The following LAMB4 variants were observed in gnomAD, a reference collection of about 807,000 sequenced individuals.
The protein encoded by LAMB4 is laminin subunit beta 4, also known as laminin subunit beta-4.
In LAMB4, 196 loss-of-function variants were observed where a neutral mutation model predicts 199.2. That is an observed-to-expected ratio of 0.98 (90% confidence interval 0.88 to 1.11). The LOEUF is 1.11. LAMB4 is among the 50% of genes least tolerant of loss of function. The pLI is 0.00. For synonymous variants in LAMB4, 744 were observed against 770.6 expected, an observed-to-expected ratio of 0.97 and a Z score of 0.57; for missense variants, 2,080 against 2,171.2, an observed-to-expected ratio of 0.96 and a Z score of 0.83.
chr7:108,071,001 G>A (rs1009744137), intron 17 of LAMB4, among the ~76,000 whole-genome samples: 1 of 152,174 alleles, frequency 6.6e-6, no homozygotes, highest in Admixed American at 6.5e-5. Flanking sequence ...TAGTGCTCAA[G>A]AAGGAAGAGG....
rs556891096 is a variant in LAMB4 at position 108,050,743 on chromosome 7, C to T, written c.3917-1212G>A. Among the ~76,000 whole-genome samples the T allele has an allele frequency of 3.9e-5, 6 of 152,214 alleles. No individual in the cohort carries two copies. The East Asian group carries it at 9.6e-4, about 24-fold the overall frequency. On this transcript the variant is annotated intron_variant, in intron 26 of 33. Transcript: ENST00000388781. ...TTTCACTTATCATGAAAAAAGTGTT[C>T]CTATTGCTTGGAATTAGTTTCTTCT...
intron 25 of LAMB4, among the ~76,000 whole-genome samples, chr7:108,052,762 A>C (rs1339086737): frequency 6.6e-6 from 1 of 152,084 alleles, no homozygotes; most frequent in African/African-American, 2.4e-5. Flanking sequence ...AGTGACAGGG[A>C]GGTTTTCTTG....
chr7:108,124,483 C>T (rs573654028), intron 1 of LAMB4, among the ~76,000 whole-genome samples: 1 of 152,172 alleles, frequency 6.6e-6, no homozygotes, highest in East Asian at 1.9e-4. Flanking sequence ...CACATACACA[C>T]ACATGCATAT....
chr7:108,100,103 GC>G (rs1251897920), intron 10 of LAMB4, among the ~76,000 whole-genome samples: 1 of 152,170 alleles, frequency 6.6e-6, no homozygotes, highest in East Asian at 1.9e-4. Context: ...ATTTAATTAT[GC>G]ACAGAAGTAT....
rs760360895 is a variant in LAMB4, at chr7:108,034,262, A to G, written c.4764T>C (p.Ser1588=). The change falls in exon 31 of 34, where the codon TCT becomes TCC. Residue 1588 remains serine, a synonymous_variant. Coordinates refer to ENST00000388781, the MANE Select transcript of LAMB4 (RefSeq NM_007356.3). ...QAQITQGRAN[S]TITQLTANIT... ...TATTGGCAGTCAGCTGTGTAATGGT[A>G]GAGTTTGCCCGTCCTTGAGTGATTT... 4 of 1,613,898 alleles carry G rather than the reference A, an allele frequency of 2.5e-6. No individual in the cohort carries two copies. In the South Asian group the frequency reaches 3.3e-5, roughly 13 times the overall value.
chr7:108,039,914 G>C (rs2035362506), intron 29 of LAMB4, among the ~76,000 whole-genome samples: 2 of 152,224 alleles, frequency 1.3e-5, no homozygotes, highest in African/African-American at 4.8e-5. Flanking sequence ...GTCCTGGCCA[G>C]AGCAATCAGG....
chr7:108,050,814 A>G (rs939999216), intron 26 of LAMB4, among the ~76,000 whole-genome samples: 7 of 152,334 alleles, frequency 4.6e-5, no homozygotes, highest in African/African-American at 1.4e-4. Context: ...AGATAATTCA[A>G]TTGCCACCTA....
chr7:108,092,211 G>A, intron 13 of LAMB4, 126 bp downstream of exon 13: 1 of 700,942 alleles, frequency 1.4e-6, no homozygotes, highest in South Asian at 1.8e-5. Flanking sequence ...ATGGGCTGTA[G>A]TTAATGTCTC....
chr7:108,038,227 T>C (rs2035295085), intron 29 of LAMB4, among the ~76,000 whole-genome samples: 1 of 151,862 alleles, frequency 6.6e-6, no homozygotes, highest in Non-Finnish European at 1.5e-5. Context: ...TGGCACAATC[T>C]CGGCTTACTG....
Position 108,030,897 on chromosome 7 carries a change from A to C in LAMB4, c.4901T>G (p.Leu1634Arg), listed in dbSNP as rs1223474423. 1.9e-6 allele frequency: 3 copies of C among 1,614,058 alleles called. No homozygotes were observed. Among genetic ancestry groups the C allele is most frequent in the Middle Eastern group, 1.6e-4 (1 of 6,084 alleles). The change falls in exon 32 of 34, where the codon CTG becomes CGG. Residue 1634 changes from leucine to arginine, a missense_variant. Physicochemically the swap from Leu to Arg is moderately radical, Grantham distance 102 (BLOSUM62 -2). Transcript: ENST00000388781. ...TTGATGCCTTTGCAACTTGGTCTGC[A>C]GCAGGGAAAGTCCATCCTCCAGCCC... ...RSGLEDGLSL[L>R]QTKLQRHQDH...
chr7:108,121,869 T>C (rs966354500), intron 2 of LAMB4, among the ~76,000 whole-genome samples: 1 of 152,204 alleles, frequency 6.6e-6, no homozygotes, highest in East Asian at 1.9e-4. Context: ...AGTCAGAAGA[T>C]AAAACTAAGT....
rs141514512 is a variant in LAMB4, at chr7:108,117,736, C to T, written c.35-1575G>A. Among the ~76,000 whole-genome samples, 35 of 152,294 alleles carry T rather than the reference C, an allele frequency of 2.3e-4. No homozygotes were observed. The East Asian group carries it at 6.8e-3, about 29-fold the overall frequency. The stretch of plus-strand genomic sequence containing the variant: ...AAGGGCTGCTGGTTGCCCATTTTTA[C>T]AGTTATTTCTCGATGATATTCTAAA... On this transcript the variant is annotated intron_variant, in intron 2 of 33. Transcript: ENST00000388781.
chr7:108,050,767 C>G (rs576769039), intron 26 of LAMB4, among the ~76,000 whole-genome samples: 3 of 152,254 alleles, frequency 2.0e-5, no homozygotes, highest in African/African-American at 7.2e-5. Flanking sequence ...TTAGTTTCTT[C>G]TTTCATTTTT....
rs757765055 is a variant in LAMB4 at position 108,103,078 on chromosome 7, C to T, written c.1146G>A (p.Pro382=). ...DRCRPLFYRD[P]LKTISDPYAC... ...CGTAGGGATCTGAGATGGTCTTGAG[C>T]GGGTCCCTGTAGAAGAGGGGTCTGC... The change falls in exon 10 of 34, where the codon CCG becomes CCA. Residue 382 remains proline (P), a synonymous_variant. Coordinates refer to ENST00000388781, the MANE Select transcript of LAMB4 (RefSeq NM_007356.3). 150 of 1,609,052 alleles carry T rather than the reference C, an allele frequency of 9.3e-5. No homozygotes were observed. Among genetic ancestry groups the T allele is most frequent in the Non-Finnish European group, 1.2e-4 (147 of 1,176,434 alleles).
At position 108,065,774 on chromosome 7, in the gene LAMB4, G is replaced by A. The variant is rs758145192; in HGVS notation, c.2824C>T (p.Gln942Ter). The A allele has an allele frequency of 6.8e-6, 11 of 1,613,910 alleles. No homozygotes were observed. Among genetic ancestry groups the A allele is most frequent in the Non-Finnish European group, 8.5e-6 (10 of 1,179,942 alleles). ...CTATACTGCATACCCGTATAACCTTGAAGACAATTGCAGATTACATCTGAG... is the reference window on the plus strand; with the variant it reads ...CTATACTGCATACCCGTATAACCTTAAAGACAATTGCAGATTACATCTGAG... ...WSSDVICNCL[Q>*]GYTGTQCGEC... Residue 942 changes from glutamine (Q) to a stop codon, truncating the protein, a stop_gained, in exon 21 of 34, where the codon CAA becomes TAA. Coordinates refer to ENST00000388781, the MANE Select transcript of LAMB4 (RefSeq NM_007356.3). LOFTEE classifies it high-confidence loss of function.
At chr7:108,031,303 A>G (rs2035021782) in intron 31 of LAMB4, among the ~76,000 whole-genome samples, 1 of 146,048 alleles carries the variant, frequency 6.8e-6, no homozygotes, top group Admixed American at 6.9e-5. Context: ...GGCCTGGGTG[A>G]CAAAGAGATA....
chr7:108,083,433 C>G (rs1415631251), intron 14 of LAMB4, among the ~76,000 whole-genome samples: 1 of 152,194 alleles, frequency 6.6e-6, no homozygotes, highest in Admixed American at 6.5e-5. Context: ...TGGCAGCACT[C>G]TTTTCTGAGG....
chr7:108,099,534 A>T (rs988939066), intron 10 of LAMB4, among the ~76,000 whole-genome samples: 1 of 152,136 alleles, frequency 6.6e-6, no homozygotes, highest in Non-Finnish European at 1.5e-5. Context: ...TTGAAACAGC[A>T]CTTGTGGCTT....
intron 14 of LAMB4, among the ~76,000 whole-genome samples, chr7:108,089,544 T>A (rs1168828874): frequency 6.6e-6 from 1 of 152,252 alleles, no homozygotes; most frequent in East Asian, 1.9e-4. Context: ...GTAAATGTGT[T>A]AGCTGTAGTA....
Sources: gnomAD v4.1 joint callset for allele counts (sites outside exome capture counted in the v4.1 genomes callset) on GRCh38, gnomAD v4.1.1 for gene constraint, MANE v1.5 for transcripts, NCBI Gene and HGNC (gene_info 2026-07-23, HGNC 2026-07-21) for gene names.